Variants in PABPC1L observed in about 807,000 individuals in gnomAD.
The protein encoded by PABPC1L is polyadenylate-binding protein 1-like.
Under a neutral mutation model 66.6 loss-of-function variants are expected in PABPC1L, and 31 were observed. The observed-to-expected ratio is 0.47, with a 90% CI of 0.35 to 0.63. PABPC1L has a LOEUF of 0.63. Among genes scored for constraint, PABPC1L ranks in the 20% least tolerant of loss-of-function variants. The pLI, the probability that PABPC1L is intolerant of heterozygous loss-of-function variation, is 0.00. For missense variants in PABPC1L, 722 were observed against 848.8 expected, an observed-to-expected ratio of 0.85 and a Z score of 1.86; for synonymous variants, 348 against 335.1, an observed-to-expected ratio of 1.04 and a Z score of -0.42.
intron 5 of PABPC1L, among the ~76,000 whole-genome samples, chr20:44,921,245 G>A (rs1031081219): frequency 6.0e-5 from 9 of 149,216 alleles, no homozygotes; most frequent in African/African-American, 2.0e-4. Context: ...CACCTCCCAG[G>A]TTCAACGATT....
intron 11 of PABPC1L, 88 bp from the exon 12 acceptor site, chr20:44,936,549 C>A: frequency 8.7e-7 from 1 of 1,145,950 alleles, no homozygotes; most frequent in Non-Finnish European, 1.2e-6. Flanking sequence ...CCAGTGCCTC[C>A]CTGGCCTTCT....
At chr20:44,915,580 C>G (rs2066732470) in intron 2 of PABPC1L, among the ~76,000 whole-genome samples, 1 of 152,062 alleles carries the variant, frequency 6.6e-6, no homozygotes, top group Non-Finnish European at 1.5e-5. Flanking sequence ...GGTGGATCAC[C>G]TGAGGTCAGG....
intron 1 of PABPC1L, among the ~76,000 whole-genome samples, chr20:44,911,450 CGAGACT>C (rs1417056014): frequency 2.6e-5 from 4 of 152,078 alleles, no homozygotes; most frequent in Non-Finnish European, 5.9e-5. Flanking sequence ...GGCAACAGAG[CGAGACT>C]CCATCTCAAC....
In PABPC1L at chr20:44,930,469, G is replaced by A. The variant is rs1451900812; in HGVS notation, c.982G>A (p.Glu328Lys). 3.5e-5 allele frequency: 57 copies of A among 1,613,388 alleles called. No homozygotes were observed. Among genetic ancestry groups the A allele is most frequent in the Non-Finnish European group, 4.8e-5 (57 of 1,179,558 alleles). Residue 328 changes from glutamate (E) to lysine (K), a missense_variant, in exon 8 of 15, where the codon GAG (glutamate) becomes AAG (lysine). Glu to Lys is a moderately conservative substitution (Grantham distance 56). Transcript: ENST00000217073. ...CTTGTCTTGCTTTTAGGTGATGACA[G>A]AGGGTGGCCACAGCAAGGGGTTTGG... ...GVITSAKVMTEGGHSKGFGFV... is the reference protein window; with the variant it reads ...GVITSAKVMTKGGHSKGFGFV...
rs537068600 is a variant in PABPC1L at position 44,924,135 on chromosome 20, A to G, written c.877-26A>G. 3.4e-4 allele frequency: 529 copies of G among 1,573,718 alleles called. 7 individuals carry two copies. The South Asian group carries it at 5.0e-3, about 15-fold the overall frequency. ...GTTGGGGCTTGGAGGAGAAGGGGAC[A>G]TCCAGCAGTTTCCCTTCCATCCCAG... On this transcript the variant is annotated intron_variant, in intron 6 of 14. Transcript: ENST00000217073.
rs539379369 is a variant in PABPC1L at position 44,910,096 on chromosome 20, G to A, written c.-48G>A. 1 of 1,489,902 alleles carries A rather than the reference G, an allele frequency of 6.7e-7. No individual in the cohort carries two copies. The highest frequency in any genetic ancestry group is 1.4e-5 in the African/African-American group (1 of 70,090). The allele number at this position is 1,489,902 out of a possible 1,614,324, so 92.3% of individuals were successfully genotyped here. On this transcript the variant is annotated 5_prime_UTR_variant, in exon 1 of 15. Coordinates refer to ENST00000217073, the MANE Select transcript of PABPC1L (RefSeq NM_001372179.1). ...CCGCCCGGGTGAGCGCGGGGCTGCTGGGTGACCCGGCTCCTGCTTGCCCCG... is the reference window on the plus strand; with the variant it reads ...CCGCCCGGGTGAGCGCGGGGCTGCTAGGTGACCCGGCTCCTGCTTGCCCCG...
chr20:44,938,038 C>T (rs777854415), intron 12 of PABPC1L, 23 bp from the exon 13 acceptor site: 33 of 1,613,904 alleles, frequency 2.0e-5, no homozygotes, highest in South Asian at 1.1e-4. Context: ...CGTGCACAAG[C>T]CATTAGAAGG....
intron 13 of PABPC1L, 24 bp from the exon 14 acceptor site, chr20:44,938,650 C>A (rs201683693): frequency 2.0e-5 from 31 of 1,588,550 alleles, no homozygotes; most frequent in African/African-American, 8.1e-5. Context: ...TGCACTAAGC[C>A]CCCCCGCCAC....
chr20:44,925,285 A>T (rs1420959160), intron 7 of PABPC1L, among the ~76,000 whole-genome samples: 1 of 152,128 alleles, frequency 6.6e-6, no homozygotes, highest in East Asian at 1.9e-4. Context: ...CTATACTTAA[A>T]TACCTGCTGT....
Position 44,930,736 on chromosome 20 carries a change from T to C in PABPC1L, c.1239+10T>C, listed in dbSNP as rs775750518. The C allele has an allele frequency of 6.2e-7, 1 of 1,610,084 alleles. No individual in the cohort carries two copies. The highest frequency in any genetic ancestry group is 1.1e-5 in the South Asian group (1 of 90,666). On this transcript the variant is annotated intron_variant, in intron 8 of 14. Coordinates refer to ENST00000217073, the MANE Select transcript of PABPC1L (RefSeq NM_001372179.1). Reference sequence around the variant, plus strand: ...GCCTGCCATGCCCCAGGTGACGGCCTGCCCGCAACTCCCACCGCAGCCTTC... The same window carrying C: ...GCCTGCCATGCCCCAGGTGACGGCCCGCCCGCAACTCCCACCGCAGCCTTC...
chr20:44,938,837 C>T (rs573551622), intron 14 of PABPC1L, 89 bp downstream of exon 14: 24 of 1,295,726 alleles, frequency 1.9e-5, no homozygotes, highest in African/African-American at 2.9e-5. Flanking sequence ...CTGAGAATTG[C>T]GCCGTGTTCC....
chr20:44,923,925 G>A (rs367834437), intron 6 of PABPC1L, among the ~76,000 whole-genome samples: 1 of 152,184 alleles, frequency 6.6e-6, no homozygotes, highest in East Asian at 1.9e-4. Flanking sequence ...GGTGAGGCTG[G>A]GACCAGTGCA....
chr20:44,914,364 G>T (rs938910164), intron 2 of PABPC1L, among the ~76,000 whole-genome samples: 1 of 151,910 alleles, frequency 6.6e-6, no homozygotes, highest in Non-Finnish European at 1.5e-5. Context: ...CCGCCACCAC[G>T]CCCAGCTAAT....
intron 7 of PABPC1L, among the ~76,000 whole-genome samples, chr20:44,928,799 G>A (rs2066828128): frequency 6.9e-6 from 1 of 145,254 alleles, no homozygotes; most frequent in Admixed American, 7.2e-5. Context: ...GAGAGGTTGA[G>A]GGTGCAGTTG....
chr20:44,914,003 G>A (rs2066721686), intron 2 of PABPC1L, among the ~76,000 whole-genome samples: 1 of 152,086 alleles, frequency 6.6e-6, no homozygotes, highest in Non-Finnish European at 1.5e-5. Context: ...GAAGGATTCT[G>A]ATTATTTCTC....
chr20:44,935,373 T>G lies in PABPC1L; in HGVS notation c.1460-18T>G, dbSNP rs752801785. 2.5e-6 allele frequency: 4 copies of G among 1,602,688 alleles called. No homozygotes were observed. Among genetic ancestry groups the G allele is most frequent in the Non-Finnish European group, 1.7e-6 (2 of 1,169,930 alleles). Reference sequence around the variant, plus strand: ...TTTGAACTCTGCTTTTTTTGTTTTGTTTTGTTTTGTTTTGCAGCCAACATT... The same window carrying G: ...TTTGAACTCTGCTTTTTTTGTTTTGGTTTGTTTTGTTTTGCAGCCAACATT... On this transcript the variant is annotated intron_variant, in intron 10 of 14. Coordinates refer to ENST00000217073, the MANE Select transcript of PABPC1L (RefSeq NM_001372179.1).
At chr20:44,938,886 G>C (rs969438651) in intron 14 of PABPC1L, 138 bp downstream of exon 14, 1 of 888,144 alleles carries the variant, frequency 1.1e-6, no homozygotes, top group Non-Finnish European at 1.8e-6. Flanking sequence ...GGAGGAAGTT[G>C]TGAGAATCAG....
chr20:44,924,912 T>A (rs546923808), intron 7 of PABPC1L, among the ~76,000 whole-genome samples: 89 of 150,820 alleles, frequency 5.9e-4, no homozygotes, highest in Admixed American at 2.4e-3. Flanking sequence ...TTTTTATTTT[T>A]TTTTTTTAAA....
intron 2 of PABPC1L, among the ~76,000 whole-genome samples, chr20:44,913,910 G>A (rs1035181232): frequency 1.3e-5 from 2 of 152,152 alleles, no homozygotes; most frequent in East Asian, 3.8e-4. Flanking sequence ...AGTCATTATT[G>A]TATCCCAATA....
Sources: gnomAD v4.1 joint callset for allele counts (sites outside exome capture counted in the v4.1 genomes callset) on GRCh38, gnomAD v4.1.1 for gene constraint, MANE v1.5 for transcripts, NCBI Gene and HGNC (gene_info 2026-07-23, HGNC 2026-07-21) for gene names.